The following CNTN5 variants were observed in gnomAD, a reference collection of about 807,000 sequenced individuals.
CNTN5 encodes the protein contactin 5.
A neutral mutation model predicts 129.1 loss-of-function variants in CNTN5; 77 were observed. The observed-to-expected ratio is 0.60, with a 90% CI of 0.50 to 0.72. The LOEUF (loss-of-function observed/expected upper bound fraction) is 0.72, where lower values mean the gene tolerates loss of function less well. CNTN5 is among the 30% of genes least tolerant of loss of function. The probability of loss-of-function intolerance (pLI) is 0.00; values close to 1 mark genes in which losing one functional copy is unlikely to be tolerated. For synonymous variants in CNTN5, 509 were observed against 465.6 expected (o/e 1.09, Z -1.20); for missense variants, 1,478 against 1,328.8 (o/e 1.11, Z -1.75).
chr11:99,495,158 G>C (rs374820403), intron 2 of CNTN5, among the ~76,000 whole-genome samples: 1 of 152,224 alleles, frequency 6.6e-6, no homozygotes, highest in African/African-American at 2.4e-5. Context: ...CACGAAGTCA[G>C]GAGTTCAAGA....
chr11:99,213,506 A>G (rs2135678678), intron 1 of CNTN5, among the ~76,000 whole-genome samples: 1 of 149,762 alleles, frequency 6.7e-6, no homozygotes, highest in South Asian at 2.1e-4. Flanking sequence ...ATACACATAT[A>G]TATTTCCTGA....
At chr11:99,823,569 T>A (rs1210561056) in intron 4 of CNTN5, among the ~76,000 whole-genome samples, 1 of 152,130 alleles carries the variant, frequency 6.6e-6, no homozygotes, top group African/African-American at 2.4e-5. Context: ...TGTCCTACTA[T>A]TTTAAGTGCT....
intron 9 of CNTN5, among the ~76,000 whole-genome samples, chr11:100,022,377 T>C (rs1941208516): frequency 6.6e-6 from 1 of 152,216 alleles, no homozygotes. Flanking sequence ...ATCCTGCTAT[T>C]TGCTTTCTAT....
intron 8 of CNTN5, among the ~76,000 whole-genome samples, chr11:99,958,901 C>T (rs915126691): frequency 2.6e-5 from 4 of 152,136 alleles, no homozygotes; most frequent in African/African-American, 4.8e-5. Flanking sequence ...CTTCTTTTCA[C>T]ACCAGAGACC....
At chr11:99,790,263 A>C (rs1477599914) in intron 3 of CNTN5, among the ~76,000 whole-genome samples, 1 of 152,078 alleles carries the variant, frequency 6.6e-6, no homozygotes, top group African/African-American at 2.4e-5. Flanking sequence ...TTTGGTTTAC[A>C]GATTATTCCT....
chr11:99,058,127 T>C (rs1335428792), intron 1 of CNTN5, among the ~76,000 whole-genome samples: 50 of 152,040 alleles, frequency 3.3e-4, no homozygotes, highest in Admixed American at 3.1e-3. Context: ...CGGAAGTTAC[T>C]ATAAAGACTA....
At chr11:99,192,610 GTCAT>G (rs1179841664) in intron 1 of CNTN5, among the ~76,000 whole-genome samples, 1 of 151,420 alleles carries the variant, frequency 6.6e-6, no homozygotes, top group Non-Finnish European at 1.5e-5. Context: ...TTAAATATCT[GTCAT>G]TCAGACTTAA....
chr11:99,284,665 T>C (rs554935363), intron 1 of CNTN5, among the ~76,000 whole-genome samples: 1 of 145,860 alleles, frequency 6.9e-6, no homozygotes, highest in Non-Finnish European at 1.5e-5. Context: ...GTGTGTGGTG[T>C]GTGTATGATA....
chr11:99,862,135 T>C (rs1340985583), intron 6 of CNTN5, among the ~76,000 whole-genome samples: 1 of 152,202 alleles, frequency 6.6e-6, no homozygotes, highest in Non-Finnish European at 1.5e-5. Flanking sequence ...ACAAATTAAC[T>C]GTCAACCTAA....
At chr11:99,317,152 A>AT (rs1290095708) in intron 1 of CNTN5, among the ~76,000 whole-genome samples, 4 of 152,036 alleles carry the variant, frequency 2.6e-5, no homozygotes, top group Non-Finnish European at 5.9e-5. Context: ...AGGGGAGATT[A>AT]TTTTTTCAAG....
intron 9 of CNTN5, among the ~76,000 whole-genome samples, chr11:100,023,209 T>C (rs983172391): frequency 6.6e-6 from 1 of 152,222 alleles, no homozygotes; most frequent in Non-Finnish European, 1.5e-5. Context: ...TTTGTATGTT[T>C]CACCTTTTGA....
At chr11:99,325,585 C>G (rs1024873523) in intron 2 of CNTN5, 101 bp downstream of exon 2, 2 of 152,112 alleles carry the variant, frequency 1.3e-5, no homozygotes, top group African/African-American at 2.4e-5. Flanking sequence ...AATACAACTG[C>G]TGAATATGCT....
At chr11:99,636,680 T>C (rs1951568196) in intron 3 of CNTN5, among the ~76,000 whole-genome samples, 1 of 151,876 alleles carries the variant, frequency 6.6e-6, no homozygotes, top group African/African-American at 2.4e-5. Context: ...CAACTCTTCA[T>C]GTAGCTGTAT....
At chr11:100,050,607 C>G (rs1942904295) in intron 9 of CNTN5, among the ~76,000 whole-genome samples, 1 of 150,170 alleles carries the variant, frequency 6.7e-6, no homozygotes, top group East Asian at 1.9e-4. Flanking sequence ...CACTTGTACC[C>G]TAAAACTTAA....
At chr11:99,365,411 CT>C (rs1158415913) in intron 2 of CNTN5, among the ~76,000 whole-genome samples, 1 of 152,122 alleles carries the variant, frequency 6.6e-6, no homozygotes, top group Non-Finnish European at 1.5e-5. Context: ...ACATCTAGGC[CT>C]CCTTATTCAA....
At chr11:99,641,193 A>T (rs1411390916) in intron 3 of CNTN5, among the ~76,000 whole-genome samples, 1 of 152,190 alleles carries the variant, frequency 6.6e-6, no homozygotes, top group Admixed American at 6.6e-5. Context: ...TAGCCATTAC[A>T]CTTGAAATAA....
At chr11:99,668,208 GTAGGACACAAC>G (rs1156271095) in intron 3 of CNTN5, among the ~76,000 whole-genome samples, 1 of 152,116 alleles carries the variant, frequency 6.6e-6, no homozygotes, top group Non-Finnish European at 1.5e-5. Context: ...GGGACTGCTA[GTAGGACACAAC>G]TAGGCAGTGT....
chr11:99,297,961 C>T (rs1864460200), intron 1 of CNTN5, among the ~76,000 whole-genome samples: 1 of 152,104 alleles, frequency 6.6e-6, no homozygotes. Context: ...TGTTGCGACT[C>T]CAAACCCAGT....
At chr11:100,158,794 A>ATGAATACCCAAGAATT (rs1947342731) in intron 13 of CNTN5, among the ~76,000 whole-genome samples, 2 of 151,896 alleles carry the variant, frequency 1.3e-5, no homozygotes, top group Non-Finnish European at 2.9e-5. Context: ...TTCCAAGGAT[A>ATGAATACCCAAGAATT]TGAATACCCA....
Sources: gnomAD v4.1 joint callset for allele counts (sites outside exome capture counted in the v4.1 genomes callset) on GRCh38, gnomAD v4.1.1 for gene constraint, MANE v1.5 for transcripts, NCBI Gene and HGNC (gene_info 2026-07-23, HGNC 2026-07-21) for gene names.